RALYL: variants seen among roughly 807,000 people sequenced by gnomAD.
The protein encoded by RALYL is RALY RNA binding protein like.
In RALYL, 29 loss-of-function variants were observed where a neutral mutation model predicts 35.1. That is an observed-to-expected ratio of 0.83 (90% CI 0.61 to 1.13). The LOEUF (loss-of-function observed/expected upper bound fraction) is 1.13. RALYL is among the 50% of genes most tolerant of loss of function. The pLI, the probability that RALYL is intolerant of heterozygous loss-of-function variation, is 0.00. For missense variants in RALYL, 359 were observed against 360.4 expected, an observed-to-expected ratio of 1.00 and a Z score of 0.03; for synonymous variants, 120 against 127.6, an observed-to-expected ratio of 0.94 and a Z score of 0.40.
At chr8:84,365,687 A>T (rs888823796) in intron 1 of RALYL, among the ~76,000 whole-genome samples, 6 of 152,212 alleles carry the variant, frequency 3.9e-5, no homozygotes, top group African/African-American at 1.4e-4. Flanking sequence ...TGCTAACTCA[A>T]TACTGATATC....
intron 1 of RALYL, among the ~76,000 whole-genome samples, chr8:84,202,375 T>C (rs1207164572): frequency 3.4e-5 from 5 of 147,286 alleles, no homozygotes; most frequent in African/African-American, 1.0e-4. Flanking sequence ...GGATTTTTTT[T>C]TTTTTTTTTT....
chr8:84,891,722 G>T (rs1404278486), intron 8 of RALYL, among the ~76,000 whole-genome samples: 1 of 152,142 alleles, frequency 6.6e-6, no homozygotes, highest in Non-Finnish European at 1.5e-5. Context: ...TGAAACTAAG[G>T]AGTCTCTCCT....
chr8:84,444,154 C>G (rs1406257288), intron 1 of RALYL, among the ~76,000 whole-genome samples: 1 of 152,062 alleles, frequency 6.6e-6, no homozygotes, highest in Non-Finnish European at 1.5e-5. Context: ...CATAGTGAGA[C>G]TCCATCTCTA....
At chr8:84,489,679 A>G (rs997162252) in intron 1 of RALYL, among the ~76,000 whole-genome samples, 2 of 152,110 alleles carry the variant, frequency 1.3e-5, no homozygotes, top group East Asian at 3.9e-4. Flanking sequence ...GTAGATAGCA[A>G]TAAGAAGAGC....
intron 1 of RALYL, among the ~76,000 whole-genome samples, chr8:84,359,447 G>A (rs1457142869): frequency 3.3e-5 from 5 of 151,762 alleles, no homozygotes; most frequent in Non-Finnish European, 5.9e-5. Flanking sequence ...TAATATATTT[G>A]TATATATAGA....
At position 84,712,959 on chromosome 8, in the gene RALYL, T is replaced by C. The variant is rs74925083; in HGVS notation, c.257-61620T>C. On this transcript the variant is annotated intron_variant, in intron 2 of 8. Coordinates refer to ENST00000521268, the MANE Select transcript of RALYL (RefSeq NM_173848.7). ...ATTTTTCTTTGCTGTGCAAAATCTT[T>C]TTAGTTTGATGCAATTCTATCTGTT... 9.8e-3 allele frequency among the ~76,000 whole-genome samples: 1,497 copies of C among 152,266 alleles called. 19 individuals are homozygous for C. Among genetic ancestry groups the C allele is most frequent in the Middle Eastern group, 0.027 (8 of 294 alleles).
intron 1 of RALYL, among the ~76,000 whole-genome samples, chr8:84,264,825 A>G (rs1400906330): frequency 1.3e-5 from 2 of 152,236 alleles, no homozygotes; most frequent in Non-Finnish European, 1.5e-5. Flanking sequence ...TTTCTTTAAC[A>G]AAACCTCAGT....
intron 1 of RALYL, among the ~76,000 whole-genome samples, chr8:84,236,054 A>G (rs530498182): frequency 1.4e-4 from 21 of 152,186 alleles, no homozygotes; most frequent in Admixed American, 1.3e-3. Flanking sequence ...TATTACCAAC[A>G]TGATTCCAGT....
chr8:84,426,297 A>C (rs528931508), intron 1 of RALYL, among the ~76,000 whole-genome samples: 1 of 152,224 alleles, frequency 6.6e-6, no homozygotes, highest in East Asian at 1.9e-4. Flanking sequence ...CAATTTTACT[A>C]TCTACAGCCT....
At chr8:84,468,440 A>G (rs575425318) in intron 1 of RALYL, among the ~76,000 whole-genome samples, 1 of 150,918 alleles carries the variant, frequency 6.6e-6, no homozygotes, top group South Asian at 2.2e-4. Context: ...TGGGTTCAAA[A>G]TTCTTTTCTT....
At chr8:84,508,247 C>A (rs1452368578) in intron 1 of RALYL, among the ~76,000 whole-genome samples, 1 of 151,966 alleles carries the variant, frequency 6.6e-6, no homozygotes, top group Non-Finnish European at 1.5e-5. Context: ...AACACTCATC[C>A]CCCTCAAGTG....
chr8:84,584,524 A>G (rs1363461897), intron 2 of RALYL, among the ~76,000 whole-genome samples: 1 of 151,584 alleles, frequency 6.6e-6, no homozygotes, highest in Admixed American at 6.6e-5. Flanking sequence ...AATCACTTGA[A>G]CCCAGGAGGC....
intron 1 of RALYL, among the ~76,000 whole-genome samples, chr8:84,369,392 T>C (rs935134309): frequency 2.6e-5 from 4 of 152,082 alleles, no homozygotes; most frequent in Non-Finnish European, 4.4e-5. Flanking sequence ...GAAACTGTGG[T>C]AATTTTCTGT....
At chr8:84,739,708 G>C (rs553374496) in intron 2 of RALYL, among the ~76,000 whole-genome samples, 1 of 151,822 alleles carries the variant, frequency 6.6e-6, no homozygotes, top group East Asian at 1.9e-4. Flanking sequence ...TTGAATTTAA[G>C]TGGTTCACTT....
intron 1 of RALYL, among the ~76,000 whole-genome samples, chr8:84,420,353 A>C (rs961618913): frequency 2.0e-5 from 3 of 152,104 alleles, no homozygotes; most frequent in Non-Finnish European, 2.9e-5. Flanking sequence ...TCTTTTGAGA[A>C]GTGTCTGTTC....
intron 2 of RALYL, among the ~76,000 whole-genome samples, chr8:84,556,147 C>G (rs530506279): frequency 6.6e-5 from 10 of 152,210 alleles, no homozygotes; most frequent in Admixed American, 3.3e-4. Flanking sequence ...GTGATTTGTG[C>G]AAAATATTAT....
chr8:84,194,395 A>G (rs1055261823), intron 1 of RALYL, among the ~76,000 whole-genome samples: 2 of 152,130 alleles, frequency 1.3e-5, no homozygotes, highest in African/African-American at 4.8e-5. Context: ...TTTCTTTGGA[A>G]CATTTTGAAG....
chr8:84,234,763 TTA>T (rs1826103725), intron 1 of RALYL, among the ~76,000 whole-genome samples: 1 of 137,694 alleles, frequency 7.3e-6, no homozygotes, highest in Admixed American at 7.3e-5. Flanking sequence ...TTTTATTTAT[TTA>T]TTTATTTTTT....
chr8:84,847,650 C>G (rs1298676474), intron 4 of RALYL, among the ~76,000 whole-genome samples: 1 of 152,028 alleles, frequency 6.6e-6, no homozygotes, highest in East Asian at 1.9e-4. Flanking sequence ...TAAACTAAAG[C>G]AAAAACCATT....
Sources: gnomAD v4.1 joint callset for allele counts (sites outside exome capture counted in the v4.1 genomes callset) on GRCh38, gnomAD v4.1.1 for gene constraint, MANE v1.5 for transcripts, NCBI Gene and HGNC (gene_info 2026-07-23, HGNC 2026-07-21) for gene names.